The following RYR3 variants were observed in gnomAD, a reference collection of about 807,000 sequenced individuals.
RYR3 encodes the protein ryanodine receptor 3.
Under a neutral mutation model 584.3 loss-of-function variants are expected in RYR3, and 207 were observed. The observed-to-expected ratio is 0.35, with a 90% CI of 0.32 to 0.40. The LOEUF (loss-of-function observed/expected upper bound fraction) is 0.40. RYR3 is among the 10% of genes least tolerant of loss of function. RYR3 has a pLI of 1.00. For synonymous variants in RYR3, 2,416 were observed against 2,248.5 expected, an observed-to-expected ratio of 1.07 and a Z score of -2.11; for missense variants, 5,616 against 6,089.2, an observed-to-expected ratio of 0.92 and a Z score of 2.59.
At chr15:33,769,218 C>G (rs2073370072) in intron 62 of RYR3, 46 bp downstream of exon 62, 2 of 1,323,928 alleles carry the variant, frequency 1.5e-6, no homozygotes, top group African/African-American at 1.4e-5. Context: ...GACTTCCTCT[C>G]TGACCCTCTC....
At chr15:33,336,999 A>AG (rs1971181542) in intron 1 of RYR3, among the ~76,000 whole-genome samples, 1 of 137,396 alleles carries the variant, frequency 7.3e-6, no homozygotes, top group Non-Finnish European at 1.5e-5. Flanking sequence ...TGGAGCTTGC[A>AG]TGAGCCGAGA....
intron 98 of RYR3, among the ~76,000 whole-genome samples, chr15:33,855,673 G>C (rs1168283798): frequency 2.0e-5 from 3 of 150,708 alleles, no homozygotes; most frequent in Non-Finnish European, 4.4e-5. Flanking sequence ...AATGATTTCA[G>C]ATACACACAC....
Position 33,347,797 on chromosome 15 carries a change from C to T in RYR3, c.51+36701C>T, listed in dbSNP as rs1161862560. Among the ~76,000 whole-genome samples, 6 of 152,218 alleles carry T rather than the reference C, an allele frequency of 3.9e-5. No homozygotes were observed. In the East Asian group the frequency reaches 9.7e-4, roughly 25 times the overall value. On this transcript the variant is annotated intron_variant, in intron 1 of 103. Coordinates refer to ENST00000634891, the MANE Select transcript of RYR3 (RefSeq NM_001036.6). The stretch of plus-strand genomic sequence containing the variant: ...TTTGCTTTTAGGACTTCCTTACTTT[C>T]TGACACTAGAAGGTATTCCAGGCTC...
intron 1 of RYR3, among the ~76,000 whole-genome samples, chr15:33,335,508 G>T (rs959987012): frequency 6.6e-6 from 1 of 152,056 alleles, no homozygotes; most frequent in Non-Finnish European, 1.5e-5. Flanking sequence ...GAGGGGAACA[G>T]CATACGTTGG....
intron 1 of RYR3, among the ~76,000 whole-genome samples, chr15:33,385,069 C>T (rs1197655225): frequency 6.6e-6 from 1 of 152,174 alleles, no homozygotes; most frequent in Non-Finnish European, 1.5e-5. Flanking sequence ...TGAAATTTCA[C>T]GTAAAATCAA....
chr15:33,669,235 A>T, intron 36 of RYR3, 119 bp from the exon 37 acceptor site: 1 of 675,980 alleles, frequency 1.5e-6, no homozygotes, highest in East Asian at 3.0e-5. Flanking sequence ...TACCAAAAAA[A>T]AAAAAATCAC....
chr15:33,636,215 T>C (rs2061489827), intron 26 of RYR3, among the ~76,000 whole-genome samples, 161 bp from the exon 27 acceptor site: 1 of 152,154 alleles, frequency 6.6e-6, no homozygotes, highest in Admixed American at 6.5e-5. Flanking sequence ...CTTGGTTTCA[T>C]TTATAACATA....
intron 3 of RYR3, among the ~76,000 whole-genome samples, chr15:33,511,890 T>C (rs976359451): frequency 1.3e-5 from 2 of 152,172 alleles, no homozygotes; most frequent in African/African-American, 4.8e-5. Flanking sequence ...GCCATTCTCC[T>C]GCCTCAGCCT....
intron 69 of RYR3, among the ~76,000 whole-genome samples, chr15:33,806,919 A>G (rs76693590): frequency 1.5e-5 from 2 of 133,908 alleles, no homozygotes; most frequent in African/African-American, 5.6e-5. Flanking sequence ...CACCCAGCTG[A>G]ATTTTTTTTT....
chr15:33,321,169 C>G (rs58210200), intron 1 of RYR3, among the ~76,000 whole-genome samples: 2,002 of 152,304 alleles, frequency 0.013, 43 homozygotes, highest in African/African-American at 0.046. Context: ...ATCATCTTTG[C>G]TTTGGGGAGA....
chr15:33,607,098 A>T (rs1243988792), intron 18 of RYR3, among the ~76,000 whole-genome samples: 2 of 152,140 alleles, frequency 1.3e-5, no homozygotes, highest in African/African-American at 4.8e-5. Context: ...AGATCCGAGG[A>T]GTAGCTGCAG....
intron 101 of RYR3, 92 bp from the exon 102 acceptor site, chr15:33,860,986 T>G: frequency 1.9e-6 from 2 of 1,039,520 alleles, no homozygotes; most frequent in Non-Finnish European, 2.9e-6. Flanking sequence ...AAGAAAGTTT[T>G]CATTATCCTT....
intron 77 of RYR3, 70 bp from the exon 78 acceptor site, chr15:33,820,686 A>G: frequency 7.6e-7 from 1 of 1,316,380 alleles, no homozygotes; most frequent in Non-Finnish European, 1.1e-6. Context: ...GCCCTTGTAG[A>G]GTTGTGTTTA....
chr15:33,461,416 T>C (rs992320274), intron 1 of RYR3, among the ~76,000 whole-genome samples: 3 of 152,094 alleles, frequency 2.0e-5, no homozygotes, highest in African/African-American at 7.2e-5. Context: ...TAGTGTCTGG[T>C]TTTGATTCTT....
intron 1 of RYR3, among the ~76,000 whole-genome samples, chr15:33,402,835 T>G (rs2042768618): frequency 6.6e-6 from 1 of 152,184 alleles, no homozygotes; most frequent in Admixed American, 6.5e-5. Context: ...TGTTATGAAA[T>G]CAAATGCCTT....
At chr15:33,814,522 A>G (rs2076703331) in intron 74 of RYR3, among the ~76,000 whole-genome samples, 1 of 152,178 alleles carries the variant, frequency 6.6e-6, no homozygotes, top group Non-Finnish European at 1.5e-5. Flanking sequence ...GATCTTGGCC[A>G]TCATTTGTCC....
intron 1 of RYR3, among the ~76,000 whole-genome samples, chr15:33,424,760 TTTATC>T (rs746630450): frequency 1.3e-5 from 2 of 150,926 alleles, no homozygotes; most frequent in Admixed American, 6.6e-5. Flanking sequence ...CTGTGTCTTA[TTTATC>T]TTATTTATCA....
intron 10 of RYR3, among the ~76,000 whole-genome samples, chr15:33,552,442 G>C (rs779861935): frequency 6.6e-6 from 1 of 152,158 alleles, no homozygotes; most frequent in Non-Finnish European, 1.5e-5. Flanking sequence ...ATGGTACCAC[G>C]GGGGCCATCG....
At chr15:33,564,179 G>A (rs3829478) in intron 11 of RYR3, among the ~76,000 whole-genome samples, 101,548 of 152,038 alleles carry the variant, frequency 0.67, 34,661 homozygotes, top group Middle Eastern at 0.76. Context: ...GGTTCAGCCA[G>A]GGCTTCTGGG....
Sources: gnomAD v4.1 joint callset for allele counts (sites outside exome capture counted in the v4.1 genomes callset) on GRCh38, gnomAD v4.1.1 for gene constraint, MANE v1.5 for transcripts, NCBI Gene and HGNC (gene_info 2026-07-23, HGNC 2026-07-21) for gene names.